Variants in AMBRA1 observed in about 807,000 individuals in gnomAD.
The protein encoded by AMBRA1 is autophagy and beclin 1 regulator 1.
In AMBRA1, 47 loss-of-function variants were observed where a neutral mutation model predicts 125.4. The observed-to-expected ratio is 0.37, with a 90% confidence interval of 0.30 to 0.48. The LOEUF (loss-of-function observed/expected upper bound fraction) is 0.48, where lower values mean the gene tolerates loss of function less well. Ranked by LOEUF, AMBRA1 falls within the 20% of genes least tolerant of loss-of-function variation. AMBRA1 has a pLI of 0.99. For synonymous variants in AMBRA1, 626 were observed against 655.5 expected (o/e 0.95, Z 0.69); for missense variants, 1,331 against 1,693.4 (o/e 0.79, Z 3.76).
chr11:46,427,211 C>G (rs1037771779), intron 14 of AMBRA1, among the ~76,000 whole-genome samples: 1 of 152,176 alleles, frequency 6.6e-6, no homozygotes, highest in Non-Finnish European at 1.5e-5. Context: ...GCTGACAGCA[C>G]TGGGCACTCA....
At chr11:46,483,571 G>A (rs190971805) in intron 11 of AMBRA1, among the ~76,000 whole-genome samples, 37 of 152,280 alleles carry the variant, frequency 2.4e-4, no homozygotes, top group Admixed American at 2.2e-3. Context: ...AAAAGGAAAC[G>A]AGAAAGAAAA....
rs752251418 is a variant in AMBRA1, at chr11:46,542,742, A to C, written c.1275T>G (p.Ser425Arg). 23 of 1,613,548 alleles carry C rather than the reference A, an allele frequency of 1.4e-5. No homozygotes were observed. In the South Asian group the frequency reaches 2.0e-4, roughly 14 times the overall value. ...ATTCCGCCTCAGAGCGGGAGTTCAG[A>C]CTGAGTACTGTCCGGGTCCACTCAG... is the stretch of plus-strand genomic sequence containing the variant. ...TGSEWTRTVL[S>R]LNSRSEAESM... The change falls in exon 7 of 18, where the codon AGT (serine) becomes AGG (arginine). Residue 425 changes from serine to arginine, a missense_variant. By Grantham distance (110) the Ser-to-Arg change is moderately radical. Transcript: ENST00000683756. The surrounding 1 kb of genome is among the most constrained non-coding windows in gnomAD (Gnocchi z 5.9).
At chr11:46,523,841 T>C (rs1486209926) in intron 7 of AMBRA1, among the ~76,000 whole-genome samples, 2 of 152,144 alleles carry the variant, frequency 1.3e-5, no homozygotes, top group Non-Finnish European at 1.5e-5. Context: ...CCACTGACAG[T>C]TCCTTGTGAG....
intron 17 of AMBRA1, among the ~76,000 whole-genome samples, chr11:46,399,293 C>T (rs547595451): frequency 6.6e-6 from 1 of 152,180 alleles, no homozygotes; most frequent in African/African-American, 2.4e-5. Context: ...AGGCCAGTCT[C>T]GAACTCCTGA....
rs1945532367 is a variant in AMBRA1 at position 46,397,850 on chromosome 11, C to T, written c.3497G>A (p.Arg1166Gln). ...AEGGMTAVVQ[R>Q]EQSTTMASMG... ...GGAGGCCATGGTGGTGCTCTGCTCC[C>T]GCTGCACCACGGCTGTCATGCCGCC... is the stretch of plus-strand genomic sequence containing the variant. Residue 1166 changes from arginine to glutamine, a missense_variant, in exon 18 of 18, where the codon CGG becomes CAG. Arg to Gln is a conservative substitution (Grantham distance 43, BLOSUM62 1). Coordinates refer to ENST00000683756, the MANE Select transcript of AMBRA1 (RefSeq NM_001387011.1). The T allele has an allele frequency of 2.5e-6, 4 of 1,601,582 alleles. No homozygotes were observed. The highest frequency in any genetic ancestry group is 3.4e-6 in the Non-Finnish European group (4 of 1,179,948).
intron 8 of AMBRA1, among the ~76,000 whole-genome samples, chr11:46,509,211 A>C (rs1200341311): frequency 6.6e-6 from 1 of 152,194 alleles, no homozygotes; most frequent in East Asian, 1.9e-4. Context: ...TCTTCAAACT[A>C]CGGCTTTAAT....
intron 1 of AMBRA1, among the ~76,000 whole-genome samples, chr11:46,563,145 C>T (rs2043394323): frequency 6.6e-6 from 1 of 152,118 alleles, no homozygotes; most frequent in Admixed American, 6.5e-5. Context: ...TAGATCACAC[C>T]TGTAACCCAG....
chr11:46,432,874 G>T (rs1312751847), intron 14 of AMBRA1, among the ~76,000 whole-genome samples: 2 of 152,196 alleles, frequency 1.3e-5, no homozygotes, highest in Admixed American at 1.3e-4. Context: ...GTTCACTCAG[G>T]CACGTTAGTC....
chr11:46,428,973 C>G, intron 14 of AMBRA1: 1 of 1,612,418 alleles, frequency 6.2e-7, no homozygotes, highest in African/African-American at 1.3e-5. Flanking sequence ...GCAAACTGTT[C>G]CTTCACGTAG....
intron 17 of AMBRA1, among the ~76,000 whole-genome samples, chr11:46,398,163 G>C (rs751093773): frequency 1.3e-5 from 2 of 152,220 alleles, no homozygotes; most frequent in Non-Finnish European, 2.9e-5. Context: ...GGGAAACTGA[G>C]GCCTAGGATG....
intron 1 of AMBRA1, among the ~76,000 whole-genome samples, chr11:46,585,795 A>G (rs1289960783): frequency 7.6e-6 from 1 of 131,982 alleles, no homozygotes; most frequent in South Asian, 2.4e-4. Flanking sequence ...TTATAATTGG[A>G]AAATAACAAT....
chr11:46,474,377 G>A (rs1464785011), intron 11 of AMBRA1, among the ~76,000 whole-genome samples: 4 of 152,016 alleles, frequency 2.6e-5, no homozygotes, highest in Non-Finnish European at 5.9e-5. Context: ...CATAAACAGA[G>A]GCCCAATTTC....
At chr11:46,494,428 G>A in intron 9 of AMBRA1, 1 of 456,002 alleles carries the variant, frequency 2.2e-6, no homozygotes, top group Non-Finnish European at 4.0e-6. Context: ...TCAGGAAAGA[G>A]GAGGATTTTT....
intron 1 of AMBRA1, among the ~76,000 whole-genome samples, chr11:46,577,564 A>T (rs976058121): frequency 1.3e-5 from 2 of 152,186 alleles, no homozygotes; most frequent in East Asian, 3.8e-4. Context: ...GAATGTACTT[A>T]AATGCCACTG....
chr11:46,408,539 C>G lies in AMBRA1; in HGVS notation c.3377G>C (p.Gly1126Ala). Residue 1126 changes from glycine (G) to alanine (A), a missense_variant, in exon 17 of 18, where the codon GGG becomes GCG. Physicochemically the swap from Gly to Ala is moderately conservative, Grantham distance 60. Transcript: ENST00000683756. ...TTCACCAGGACCTGAGGCGGCTGTCCCTGGCTCCGGCACCTCCCTCTCAGT... is the reference window on the plus strand; with the variant it reads ...TTCACCAGGACCTGAGGCGGCTGTCGCTGGCTCCGGCACCTCCCTCTCAGT... Reference protein sequence around the residue: ...TQTEREVPEPGTAASGPGEGE... With the variant: ...TQTEREVPEPATAASGPGEGE... 6.3e-7 allele frequency: 1 copy of G among 1,581,784 alleles called. No homozygotes were observed. The highest frequency in any genetic ancestry group is 1.8e-5 in the Admixed American group (1 of 56,930).
intron 1 of AMBRA1, among the ~76,000 whole-genome samples, chr11:46,560,940 T>TATCA (rs1395147982): frequency 6.6e-6 from 1 of 152,106 alleles, no homozygotes; most frequent in Non-Finnish European, 1.5e-5. Flanking sequence ...CCACCAACAA[T>TATCA]ATCAGGAGGC....
intron 12 of AMBRA1, among the ~76,000 whole-genome samples, chr11:46,442,640 G>T (rs1433720575): frequency 6.6e-6 from 1 of 152,164 alleles, no homozygotes; most frequent in African/African-American, 2.4e-5. Context: ...GTGGACTGCA[G>T]ACTTCACTAG....
Position 46,447,629 on chromosome 11 carries a change from G to C in AMBRA1, c.2522-4031C>G, listed in dbSNP as rs1948357791. On this transcript the variant is annotated intron_variant, in intron 11 of 17. Coordinates refer to ENST00000683756, the MANE Select transcript of AMBRA1 (RefSeq NM_001387011.1). ...CCAGGAGACTGAGGTGGGATAGCTT[G>C]AGTCTGGAAGGTGGAGGTTGCGGTG... 2.0e-5 allele frequency among the ~76,000 whole-genome samples: 3 copies of C among 152,262 alleles called. No individual in the cohort carries two copies. The South Asian group carries it at 6.2e-4, about 32-fold the overall frequency.
intron 11 of AMBRA1, among the ~76,000 whole-genome samples, chr11:46,455,516 T>C (rs1362848660): frequency 6.6e-6 from 1 of 152,130 alleles, no homozygotes; most frequent in Non-Finnish European, 1.5e-5. Flanking sequence ...ATCAGAATAA[T>C]ATTCAACTCT....
Sources: allele counts gnomAD v4.1 joint callset (sites outside exome capture counted in the v4.1 genomes callset), GRCh38; gene constraint gnomAD v4.1.1; non-coding constraint Gnocchi (gnomAD v3.1); transcripts MANE v1.5; gene names NCBI Gene and HGNC (gene_info 2026-07-23, HGNC 2026-07-21).